CACNA2D3: variants seen among roughly 807,000 people sequenced by gnomAD.
CACNA2D3 encodes voltage-dependent calcium channel subunit alpha-2/delta-3.
CACNA2D3 carries 60 observed loss-of-function variants against 160.6 expected under a neutral mutation model. The ratio of observed to expected loss-of-function variants is 0.37; its 90% CI spans 0.30 to 0.46. The LOEUF (loss-of-function observed/expected upper bound fraction) is 0.46, where lower values mean the gene tolerates loss of function less well. Among genes scored for constraint, CACNA2D3 ranks in the 20% least tolerant of loss-of-function variants. CACNA2D3 has a pLI of 1.00. For synonymous variants in CACNA2D3, 558 were observed against 492.9 expected (o/e 1.13, Z -1.75); for missense variants, 1,205 against 1,365.0 (o/e 0.88, Z 1.85).
chr3:54,684,491 A>G (rs1462051431), intron 11 of CACNA2D3, among the ~76,000 whole-genome samples: 1 of 152,170 alleles, frequency 6.6e-6, no homozygotes, highest in African/African-American at 2.4e-5. Flanking sequence ...TGGATCAAGC[A>G]CATCATCTGA....
chr3:54,455,772 T>C (rs1224576450), intron 4 of CACNA2D3, among the ~76,000 whole-genome samples: 1 of 152,162 alleles, frequency 6.6e-6, no homozygotes, highest in African/African-American at 2.4e-5. Flanking sequence ...GATATGGGTT[T>C]AGTTTCATTC....
At chr3:54,822,790 C>CTTTCTTTCTTTTCTTT (rs1491160047) in intron 14 of CACNA2D3, among the ~76,000 whole-genome samples, 2 of 71,910 alleles carry the variant, frequency 2.8e-5, no homozygotes, top group African/African-American at 1.2e-4. Flanking sequence ...TTCTTTCTTT[C>CTTTCTTTCTTTTCTTT]CTTTCTTTCT....
At chr3:54,416,004 G>A (rs1169559454) in intron 4 of CACNA2D3, among the ~76,000 whole-genome samples, 4 of 152,064 alleles carry the variant, frequency 2.6e-5, no homozygotes, top group African/African-American at 7.2e-5. Flanking sequence ...CCAGAAATGC[G>A]TGAAACCCAA....
At chr3:54,696,360 A>G (rs1700666928) in intron 11 of CACNA2D3, among the ~76,000 whole-genome samples, 1 of 152,180 alleles carries the variant, frequency 6.6e-6, no homozygotes, top group South Asian at 2.1e-4. Flanking sequence ...TTCCTACTAC[A>G]CTGACATTAG....
At chr3:54,601,822 C>T (rs1219624778) in intron 9 of CACNA2D3, among the ~76,000 whole-genome samples, 2 of 152,004 alleles carry the variant, frequency 1.3e-5, no homozygotes, top group Admixed American at 1.3e-4. Flanking sequence ...TAAATAATTT[C>T]ATGGTACGAT....
intron 35 of CACNA2D3, among the ~76,000 whole-genome samples, chr3:55,066,210 C>T (rs1023561073): frequency 2.6e-5 from 4 of 152,070 alleles, no homozygotes; most frequent in African/African-American, 9.7e-5. Flanking sequence ...TCCATCCAGC[C>T]GGGGAACAGG....
chr3:54,170,899 A>G (rs867613422), intron 2 of CACNA2D3, among the ~76,000 whole-genome samples: 1 of 148,536 alleles, frequency 6.7e-6, no homozygotes, highest in Middle Eastern at 3.4e-3. Context: ...GTTTTAAACT[A>G]AAAAAAAAAT....
At chr3:54,499,853 G>A (rs190718402) in intron 4 of CACNA2D3, among the ~76,000 whole-genome samples, 8 of 152,186 alleles carry the variant, frequency 5.3e-5, no homozygotes, top group Admixed American at 5.2e-4. Flanking sequence ...TGCTTAAGAA[G>A]AATGTGTATT....
At chr3:54,632,237 C>T (rs946701709) in intron 10 of CACNA2D3, 1 of 152,178 alleles carries the variant, frequency 6.6e-6, no homozygotes, top group South Asian at 2.1e-4. Context: ...TTTAAATAAA[C>T]AGCTCCTGGC....
intron 3 of CACNA2D3, among the ~76,000 whole-genome samples, chr3:54,354,281 T>C (rs1698612566): frequency 6.6e-6 from 1 of 152,202 alleles, no homozygotes; most frequent in South Asian, 2.1e-4. Context: ...ACGATCCAGT[T>C]TGCTATTGTT....
At chr3:54,989,713 G>A (rs55709724) in intron 31 of CACNA2D3, among the ~76,000 whole-genome samples, 30,467 of 152,164 alleles carry the variant, frequency 0.2, 3,162 homozygotes, top group East Asian at 0.31. Flanking sequence ...ACAGAACTTG[G>A]CATGTATGAA....
At chr3:54,464,210 T>G (rs375149639) in intron 4 of CACNA2D3, among the ~76,000 whole-genome samples, 5 of 152,118 alleles carry the variant, frequency 3.3e-5, no homozygotes, top group Non-Finnish European at 7.4e-5. Context: ...TTAGGCTGCT[T>G]GGGGGTCAGG....
intron 9 of CACNA2D3, chr3:54,626,331 C>T (rs558391813): frequency 6.4e-7 from 1 of 1,554,134 alleles, no homozygotes; most frequent in Admixed American, 1.9e-5. Flanking sequence ...ACAGTGCGCG[C>T]CAGCAGCGGC....
chr3:54,170,306 CT>C (rs1206410954), intron 2 of CACNA2D3, among the ~76,000 whole-genome samples: 1 of 152,122 alleles, frequency 6.6e-6, no homozygotes, highest in Non-Finnish European at 1.5e-5. Context: ...TAATTTGCCC[CT>C]GGGCTCTGTT....
rs1431433777 is a variant in CACNA2D3 at position 54,490,330 on chromosome 3, GCGC to G, written c.382-13161_382-13159del. ...CAGCAGTAAGCACCGTTCCATCCCT[GCGC>G]AGCAGCAGGCTCCCACGCCCTGGCT... On this transcript the variant is annotated intron_variant, in intron 4 of 37. Coordinates refer to ENST00000474759, the MANE Select transcript of CACNA2D3 (RefSeq NM_018398.3). 1.4e-3 allele frequency among the ~76,000 whole-genome samples: 4 copies of G among 2,812 alleles called. No individual in the cohort carries two copies. In the Non-Finnish European group the frequency reaches 0.039, roughly 28 times the overall value. 1.8% of individuals were successfully genotyped at this position (2,812 alleles called of 152,430 possible). A position where few individuals can be genotyped will look rare whatever the true frequency, so the allele number is the denominator to read the frequency against.
intron 18 of CACNA2D3, among the ~76,000 whole-genome samples, chr3:54,878,400 GAGGA>G (rs1699714379): frequency 6.6e-6 from 1 of 152,036 alleles, no homozygotes; most frequent in Non-Finnish European, 1.5e-5. Context: ...GGGGGTGGGG[GAGGA>G]GAGCCAGGCT....
rs143081080 is a variant in CACNA2D3, at chr3:54,929,509, T to C, written c.2449+29641T>C. ...AATTTTGATTATTTTCAACAACCTG[T>C]ACTTTGTGGACTCTTTCATCCTTTG... On this transcript the variant is annotated intron_variant, in intron 27 of 37. Coordinates refer to ENST00000474759, the MANE Select transcript of CACNA2D3 (RefSeq NM_018398.3). Among the ~76,000 whole-genome samples, 1,227 of 152,314 alleles carry C rather than the reference T, an allele frequency of 8.1e-3. 7 individuals are homozygous for C. Among genetic ancestry groups the C allele is most frequent in the Non-Finnish European group, 0.014 (944 of 68,026 alleles).
chr3:54,705,169 T>C (rs192253467), intron 11 of CACNA2D3, among the ~76,000 whole-genome samples: 1 of 152,344 alleles, frequency 6.6e-6, no homozygotes, highest in East Asian at 1.9e-4. Context: ...TATCTGGATT[T>C]AGCAAATATT....
intron 14 of CACNA2D3, among the ~76,000 whole-genome samples, chr3:54,825,506 G>T (rs180893963): frequency 1.3e-5 from 2 of 152,086 alleles, no homozygotes; most frequent in Non-Finnish European, 2.9e-5. Flanking sequence ...GGTCTCTTCC[G>T]TATTTCTTGG....
Sources: allele counts gnomAD v4.1 joint callset (sites outside exome capture counted in the v4.1 genomes callset), GRCh38; gene constraint gnomAD v4.1.1; transcripts MANE v1.5; gene names NCBI Gene and HGNC (gene_info 2026-07-23, HGNC 2026-07-21).